USP22: variants seen among roughly 807,000 people sequenced by gnomAD.
USP22 encodes ubiquitin carboxyl-terminal hydrolase 22.
USP22 carries 22 observed loss-of-function variants against 68.1 expected under a neutral mutation model. The ratio of observed to expected loss-of-function variants is 0.32; its 90% CI spans 0.23 to 0.46. USP22 has a LOEUF of 0.46. Among genes scored for constraint, USP22 ranks in the 20% least tolerant of loss-of-function variants. USP22 has a pLI of 1.00. For synonymous variants in USP22, 279 were observed against 274.2 expected (o/e 1.02, Z -0.17); for missense variants, 433 against 695.8 (o/e 0.62, Z 4.25).
chr17:21,026,127 G>A (rs1972216214), intron 2 of USP22, among the ~76,000 whole-genome samples: 1 of 152,196 alleles, frequency 6.6e-6, no homozygotes, highest in Non-Finnish European at 1.5e-5. Flanking sequence ...GCATGTTGGT[G>A]TGCGTCTGTA....
intron 1 of USP22, among the ~76,000 whole-genome samples, chr17:21,032,363 T>C (rs1972300842): frequency 6.6e-6 from 1 of 152,244 alleles, no homozygotes; most frequent in African/African-American, 2.4e-5. Context: ...ATCTACACTG[T>C]GGAACAGCAC....
chr17:21,021,006 A>T (rs1422783980), intron 3 of USP22, 107 bp downstream of exon 3: 1 of 854,944 alleles, frequency 1.2e-6, no homozygotes, highest in Non-Finnish European at 1.9e-6. Flanking sequence ...TCTTCCCACC[A>T]GCCTGCCACT....
rs988870751 is a variant in USP22, at chr17:21,001,429, G to C, written c.*1602C>G. The stretch of plus-strand genomic sequence containing the variant: ...AGCTTCTCCATGGCCTGTGAGCTAA[G>C]AATAGGTTTCACGTTTTTAAATAGT... On this transcript the variant is annotated 3_prime_UTR_variant, in exon 13 of 13. Coordinates refer to ENST00000261497, the MANE Select transcript of USP22 (RefSeq NM_015276.2). The C allele has an allele frequency of 1.3e-5, 2 of 152,166 alleles. No individual in the cohort carries two copies. The highest frequency in any genetic ancestry group is 2.4e-5 in the African/African-American group (1 of 41,434). The allele number at this position is 152,166 out of a possible 1,614,324, so 9.4% of individuals were successfully genotyped here. A position where few individuals can be genotyped will look rare whatever the true frequency, so the allele number is the denominator to read the frequency against.
At chr17:21,028,478 A>G in intron 2 of USP22, 64 bp downstream of exon 2, 1 of 1,589,730 alleles carries the variant, frequency 6.3e-7, no homozygotes, top group Middle Eastern at 2.1e-4. Context: ...ACTGCAAATC[A>G]AAAAATCAAA....
At chr17:21,021,506 T>C (rs986713341) in intron 2 of USP22, among the ~76,000 whole-genome samples, 1 of 152,196 alleles carries the variant, frequency 6.6e-6, no homozygotes, top group Non-Finnish European at 1.5e-5. Context: ...GATCAGGACC[T>C]CTGCCACCTT....
chr17:21,029,821 G>C (rs752474442), intron 1 of USP22, among the ~76,000 whole-genome samples: 6 of 152,214 alleles, frequency 3.9e-5, no homozygotes, highest in Non-Finnish European at 8.8e-5. Flanking sequence ...CTATTTACAT[G>C]AAATACTCAG....
At chr17:21,026,389 G>T (rs1001215667) in intron 2 of USP22, among the ~76,000 whole-genome samples, 3 of 152,028 alleles carry the variant, frequency 2.0e-5, no homozygotes, top group African/African-American at 7.3e-5. Context: ...GCAATGGCTT[G>T]ATGACAGCTC....
rs1914009087 is a variant in USP22 at position 21,012,727 on chromosome 17, C to T, written c.944+103G>A. On this transcript the variant is annotated intron_variant, in intron 7 of 12. Coordinates refer to ENST00000261497, the MANE Select transcript of USP22 (RefSeq NM_015276.2). ...GTCTATTAATCATTTATCTCATAGCCTCCTTAAAGACCTCTCAGAGCACAC... is the reference window on the plus strand; with the variant it reads ...GTCTATTAATCATTTATCTCATAGCTTCCTTAAAGACCTCTCAGAGCACAC... 8 of 1,056,420 alleles carry T rather than the reference C, an allele frequency of 7.6e-6. No homozygotes were observed. In the Admixed American group the frequency reaches 1.0e-4, roughly 13 times the overall value. 65.4% of individuals were successfully genotyped at this position (1,056,420 alleles called of 1,614,324 possible). A position where few individuals can be genotyped will look rare whatever the true frequency, so the allele number is the denominator to read the frequency against.
At chr17:21,011,056 T>C in intron 8 of USP22, 95 bp downstream of exon 8, 5 of 1,467,570 alleles carry the variant, frequency 3.4e-6, no homozygotes, top group Non-Finnish European at 4.5e-6. Context: ...CCAGGCTCTG[T>C]CCTGGGCATG....
In USP22 at chr17:21,001,382, G is replaced by C. The variant is rs367691583; in HGVS notation, c.*1649C>G. On this transcript the variant is annotated 3_prime_UTR_variant, in exon 13 of 13. Transcript: ENST00000261497. The stretch of plus-strand genomic sequence containing the variant: ...CCCCCTCCCCAGCCCAGCCAGCTAA[G>C]GAGCTGGGTCTGGTCCCCACCAGCT... 1 of 152,212 alleles carries C rather than the reference G, an allele frequency of 6.6e-6. No homozygotes were observed. The highest frequency in any genetic ancestry group is 6.5e-5 in the Admixed American group (1 of 15,274). The allele number at this position is 152,212 out of a possible 1,614,324, so 9.4% of individuals were successfully genotyped here. A position where few individuals can be genotyped will look rare whatever the true frequency, so the allele number is the denominator to read the frequency against.
intron 12 of USP22, 93 bp from the exon 13 acceptor site, chr17:21,003,166 G>A (rs770821857): frequency 1.4e-5 from 20 of 1,479,968 alleles, no homozygotes; most frequent in Middle Eastern, 1.9e-4. Flanking sequence ...CGTGCTCTGC[G>A]CTCTGCACAG....
chr17:21,026,785 T>A (rs1442468779), intron 2 of USP22, among the ~76,000 whole-genome samples: 2 of 149,498 alleles, frequency 1.3e-5, no homozygotes, highest in Non-Finnish European at 3.0e-5. Flanking sequence ...CGCAACATAG[T>A]GAGACCCTGT....
At chr17:21,007,662 G>A (rs1289677225) in intron 9 of USP22, among the ~76,000 whole-genome samples, 3 of 152,120 alleles carry the variant, frequency 2.0e-5, no homozygotes, top group Non-Finnish European at 4.4e-5. Flanking sequence ...CTTTCACTGC[G>A]AAGCCACTGA....
intron 3 of USP22, among the ~76,000 whole-genome samples, chr17:21,020,839 C>A (rs1972147766): frequency 6.6e-6 from 1 of 152,144 alleles, no homozygotes; most frequent in Non-Finnish European, 1.5e-5. Flanking sequence ...GTTCCCTTGG[C>A]CCAGCTGCAG....
chr17:21,015,750 AC>A lies in USP22; in HGVS notation c.838+1del. ...GTGGAGGGTGCAGAGCCCAGGGCCC[AC>A]CTTTGCAGTGTCGGTGGAGCACGTC... is the stretch of plus-strand genomic sequence containing the variant. On this transcript the variant is annotated splice_donor_variant, in intron 6 of 12. Transcript: ENST00000261497. LOFTEE classifies it high-confidence loss of function. The A allele has an allele frequency of 6.2e-7, 1 of 1,611,430 alleles. No homozygotes were observed.
At chr17:21,041,864 T>C (rs1394766883) in intron 1 of USP22, among the ~76,000 whole-genome samples, 1 of 152,244 alleles carries the variant, frequency 6.6e-6, no homozygotes, top group Non-Finnish European at 1.5e-5. Context: ...GACTCACTCC[T>C]GGTTAAGGCC....
chr17:21,024,832 G>A (rs562738666), intron 2 of USP22, among the ~76,000 whole-genome samples: 1 of 152,232 alleles, frequency 6.6e-6, no homozygotes, highest in South Asian at 2.1e-4. Context: ...GCCAAGCGTG[G>A]TGGCGCGTAC....
intron 8 of USP22, among the ~76,000 whole-genome samples, chr17:21,009,301 A>G (rs1054903822): frequency 1.7e-4 from 26 of 152,142 alleles, no homozygotes; most frequent in Non-Finnish European, 1.5e-5. Flanking sequence ...TCTTTTCACA[A>G]GCAGGTATGG....
intron 1 of USP22, among the ~76,000 whole-genome samples, chr17:21,040,760 T>C (rs1972417934): frequency 6.6e-6 from 1 of 151,060 alleles, no homozygotes; most frequent in African/African-American, 2.4e-5. Context: ...AGAGGAAGAG[T>C]GGGGCGGTCC....
Sources: allele counts gnomAD v4.1 joint callset (sites outside exome capture counted in the v4.1 genomes callset), GRCh38; gene constraint gnomAD v4.1.1; transcripts MANE v1.5; gene names NCBI Gene and HGNC (gene_info 2026-07-23, HGNC 2026-07-21).